SPATS2L: variants seen among roughly 807,000 people sequenced by gnomAD.
The protein encoded by SPATS2L is spermatogenesis associated serine rich 2 like, also known as SPATS2-like protein.
A neutral mutation model predicts 59.6 loss-of-function variants in SPATS2L; 30 were observed. The observed-to-expected ratio is 0.50, with a 90% CI of 0.38 to 0.68. SPATS2L has a LOEUF of 0.68. Among genes scored for constraint, SPATS2L ranks in the 30% least tolerant of loss-of-function variants. The pLI is 0.00. For missense variants in SPATS2L, 615 were observed against 700.0 expected (o/e 0.88, Z 1.37); for synonymous variants, 252 against 263.5 (o/e 0.96, Z 0.42).
chr2:200,342,351 G>T (rs766453210), intron 2 of SPATS2L, among the ~76,000 whole-genome samples: 16 of 152,230 alleles, frequency 1.1e-4, no homozygotes, highest in Non-Finnish European at 4.4e-5. Flanking sequence ...CTGCAGAAGA[G>T]TCAGCTGGGT....
intron 10 of SPATS2L, 25 bp downstream of exon 10, chr2:200,467,424 G>A (rs973692701): frequency 2.0e-6 from 3 of 1,527,762 alleles, no homozygotes; most frequent in Non-Finnish European, 2.7e-6. Flanking sequence ...ATCACAGCCT[G>A]AACCCTGAGC....
intron 2 of SPATS2L, among the ~76,000 whole-genome samples, chr2:200,356,935 G>C (rs901699627): frequency 6.6e-6 from 1 of 152,128 alleles, no homozygotes; most frequent in African/African-American, 2.4e-5. Context: ...CCTGCAATAA[G>C]GACATTAATC....
At chr2:200,434,961 G>A (rs1238782262) in intron 6 of SPATS2L, among the ~76,000 whole-genome samples, 3 of 152,112 alleles carry the variant, frequency 2.0e-5, no homozygotes, top group Non-Finnish European at 2.9e-5. Flanking sequence ...AGAACTGGCA[G>A]CTAGATCGGT....
rs2087726374 is a variant in SPATS2L, at chr2:200,479,396, A to G, written c.*1365A>G. On this transcript the variant is annotated 3_prime_UTR_variant, in exon 13 of 13. Transcript: ENST00000409140. Reference sequence around the variant, plus strand: ...AGAAATCCCAGCAAAGGTCTTGCATACCATTGCTGGTAGGCCTGTCTCTTA... The same window carrying G: ...AGAAATCCCAGCAAAGGTCTTGCATGCCATTGCTGGTAGGCCTGTCTCTTA... 2.5e-6 allele frequency: 1 copy of G among 397,116 alleles called. No homozygotes were observed. The allele number at this position is 397,116 out of a possible 1,614,324, so 24.6% of individuals were successfully genotyped here.
chr2:200,426,902 C>T (rs2083614045), intron 6 of SPATS2L, among the ~76,000 whole-genome samples: 1 of 152,054 alleles, frequency 6.6e-6, no homozygotes. Flanking sequence ...GCTCTGCTTC[C>T]TTTCTTTATG....
At chr2:200,440,834 C>T (rs1574554638) in intron 8 of SPATS2L, 50 bp downstream of exon 8, 2 of 1,581,320 alleles carry the variant, frequency 1.3e-6, no homozygotes, top group Non-Finnish European at 1.7e-6. Context: ...TGAGCTGTTC[C>T]AACAGGTAAA....
intron 3 of SPATS2L, among the ~76,000 whole-genome samples, chr2:200,394,168 A>G (rs2082257653): frequency 6.6e-6 from 1 of 152,242 alleles, no homozygotes; most frequent in South Asian, 2.1e-4. Flanking sequence ...TTGCAATCAG[A>G]GTCTGGTCTC....
chr2:200,351,653 GGGGCAT>G (rs2080732648), intron 2 of SPATS2L, among the ~76,000 whole-genome samples: 1 of 152,018 alleles, frequency 6.6e-6, no homozygotes, highest in Non-Finnish European at 1.5e-5. Context: ...ACTGAAGGAT[GGGGCAT>G]AAAAATTTTT....
At chr2:200,453,335 C>T (rs1034284531) in intron 8 of SPATS2L, among the ~76,000 whole-genome samples, 1 of 152,218 alleles carries the variant, frequency 6.6e-6, no homozygotes, top group Non-Finnish European at 1.5e-5. Flanking sequence ...AAGAACCGTA[C>T]GGTCTTTCTG....
upstream of SPATS2L, chr2:200,306,660 C>G (rs1415610866): frequency 2.0e-6 from 2 of 987,082 alleles, no homozygotes; most frequent in South Asian, 4.7e-5. Flanking sequence ...CTGCGAGGGG[C>G]GGGAGTGTCC....
intron 9 of SPATS2L, among the ~76,000 whole-genome samples, chr2:200,466,784 T>G (rs2086635837): frequency 1.3e-5 from 2 of 152,178 alleles, no homozygotes; most frequent in South Asian, 4.1e-4. Context: ...CTAATAAAGT[T>G]AGATTTTTAT....
chr2:200,396,068 T>TATATATATATATATATA (rs58104978), intron 3 of SPATS2L, among the ~76,000 whole-genome samples: 6 of 25,168 alleles, frequency 2.4e-4, no homozygotes, highest in Admixed American at 7.8e-4. Flanking sequence ...ATATATATAT[T>TATATATATATATATATA]TTCCCATAGA....
intron 1 of SPATS2L, among the ~76,000 whole-genome samples, chr2:200,312,356 A>C (rs1176707248): frequency 6.6e-6 from 1 of 152,190 alleles, no homozygotes; most frequent in East Asian, 1.9e-4. Flanking sequence ...AGTTGAGTAA[A>C]GGTGTAAACA....
chr2:200,470,125 G>C (rs1322216360), intron 11 of SPATS2L, 109 bp downstream of exon 11: 2 of 784,974 alleles, frequency 2.5e-6, no homozygotes, highest in African/African-American at 1.8e-5. Flanking sequence ...CTAACGTGAG[G>C]TCTAAAGAGA....
intron 2 of SPATS2L, among the ~76,000 whole-genome samples, chr2:200,349,594 C>T (rs533282012): frequency 2.3e-4 from 35 of 152,252 alleles, no homozygotes; most frequent in African/African-American, 8.2e-4. Context: ...GCTGAGATGG[C>T]GCCACTGCAC....
chr2:200,342,224 G>T (rs150798868), intron 2 of SPATS2L, among the ~76,000 whole-genome samples: 2 of 152,182 alleles, frequency 1.3e-5, no homozygotes, highest in African/African-American at 4.8e-5. Context: ...AAACACAAGA[G>T]ATATTGGGCA....
At chr2:200,429,973 C>T (rs1200226450) in intron 6 of SPATS2L, among the ~76,000 whole-genome samples, 1 of 152,104 alleles carries the variant, frequency 6.6e-6, no homozygotes, top group Non-Finnish European at 1.5e-5. Context: ...TCAGATCTCA[C>T]CTTAGGTTTA....
intron 2 of SPATS2L, among the ~76,000 whole-genome samples, chr2:200,352,370 T>A (rs1187457794): frequency 8.0e-6 from 1 of 124,620 alleles, no homozygotes; most frequent in Non-Finnish European, 1.6e-5. Context: ...TATATATATA[T>A]ATGGTAAACA....
intron 6 of SPATS2L, among the ~76,000 whole-genome samples, chr2:200,430,652 T>C (rs1183562090): frequency 1.3e-5 from 2 of 152,020 alleles, no homozygotes; most frequent in Non-Finnish European, 2.9e-5. Context: ...CTGCATTGCA[T>C]GTTTATGAAT....
Sources: allele counts gnomAD v4.1 joint callset (sites outside exome capture counted in the v4.1 genomes callset), GRCh38; gene constraint gnomAD v4.1.1; transcripts MANE v1.5; gene names NCBI Gene and HGNC (gene_info 2026-07-23, HGNC 2026-07-21).